SMCP: variants seen among roughly 807,000 people sequenced by gnomAD.
SMCP encodes the protein sperm mitochondria associated cysteine rich protein.
For missense variants in SMCP, 137 were observed against 137.1 expected (o/e 1.00, Z 0.01); for synonymous variants, 41 against 46.9 (o/e 0.87, Z 0.51).
chr1:152,883,873 G>A lies in SMCP; in HGVS notation c.-20-530G>A, dbSNP rs373150027. On this transcript the variant is annotated intron_variant, in intron 1 of 1. Transcript: ENST00000368765. ...TGACAGTTGGTCACTCTAAGTGCAA[G>A]AGTTTCATTGCACCTGGGTCCATGG... Among the ~76,000 whole-genome samples, 13 of 152,232 alleles carry A rather than the reference G, an allele frequency of 8.5e-5. No homozygotes were observed. The South Asian group carries it at 2.5e-3, about 29-fold the overall frequency.
At chr1:152,879,275 C>G (rs1255179687) in intron 1 of SMCP, among the ~76,000 whole-genome samples, 1 of 152,190 alleles carries the variant, frequency 6.6e-6, no homozygotes, top group Non-Finnish European at 1.5e-5. Context: ...GGCTGGAGTG[C>G]AGTGGTGAGG....
chr1:152,883,906 A>C (rs1252907012), intron 1 of SMCP, among the ~76,000 whole-genome samples: 1 of 152,208 alleles, frequency 6.6e-6, no homozygotes, highest in Non-Finnish European at 1.5e-5. Flanking sequence ...TGGGTGCCAC[A>C]TTAGAGACAA....
chr1:152,881,834 T>G (rs1399326138), intron 1 of SMCP, among the ~76,000 whole-genome samples: 1 of 152,196 alleles, frequency 6.6e-6, no homozygotes, highest in Non-Finnish European at 1.5e-5. Flanking sequence ...AAGGACCTTC[T>G]TCACATAGTG....
chr1:152,880,207 C>T (rs936192345), intron 1 of SMCP, among the ~76,000 whole-genome samples: 2 of 152,164 alleles, frequency 1.3e-5, no homozygotes, highest in Middle Eastern at 3.2e-3. Flanking sequence ...ACTCCTCCCT[C>T]GTCCCTCTCA....
intron 1 of SMCP, among the ~76,000 whole-genome samples, chr1:152,883,681 C>A (rs1156744629): frequency 6.6e-6 from 1 of 152,154 alleles, no homozygotes; most frequent in Non-Finnish European, 1.5e-5. Context: ...GAGGTACAAG[C>A]CCAGAGAGAT....
intron 1 of SMCP, among the ~76,000 whole-genome samples, chr1:152,881,649 C>T (rs1267332447): frequency 1.4e-5 from 2 of 145,964 alleles, no homozygotes; most frequent in East Asian, 4.3e-4. Flanking sequence ...GATTGCGCCA[C>T]TGCAGTCCGC....
At chr1:152,883,765 G>A (rs947295951) in intron 1 of SMCP, among the ~76,000 whole-genome samples, 20 of 152,172 alleles carry the variant, frequency 1.3e-4, no homozygotes, top group Non-Finnish European at 2.6e-4. Flanking sequence ...GCCATGCCAA[G>A]AGCACTGTAC....
At position 152,884,712 on chromosome 1, in the gene SMCP, A is replaced by G. The variant is rs1649164024; in HGVS notation, c.290A>G (p.Lys97Arg). ...CCCAACTCACCGCAAACTCAGGACA[A>G]GGGCTGTCAAACCCAGCAGCAGCCC... ...SEPNSPQTQD[K>R]GCQTQQQPHS... The change falls in exon 2 of 2, where the codon AAG becomes AGG. Residue 97 changes from lysine to arginine, a missense_variant. Transcript: ENST00000368765. The G allele has an allele frequency of 6.2e-7, 1 of 1,614,120 alleles. No homozygotes were observed. Among genetic ancestry groups the G allele is most frequent in the Admixed American group, 1.7e-5 (1 of 60,006 alleles).
At chr1:152,883,526 T>C (rs939919768) in intron 1 of SMCP, among the ~76,000 whole-genome samples, 4 of 152,198 alleles carry the variant, frequency 2.6e-5, no homozygotes, top group Admixed American at 1.3e-4. Context: ...GATGGGTAGA[T>C]AGAAGTAAAG....
At position 152,884,737 on chromosome 1, in the gene SMCP, CCA is replaced by C. The variant is rs781618063; in HGVS notation, c.316_317del (p.His106Ter). Reference sequence around the variant, plus strand: ...AGGGCTGTCAAACCCAGCAGCAGCCCCATAGCCCACAAAATGAGTCCAGGCCA... The same window carrying C: ...AGGGCTGTCAAACCCAGCAGCAGCCCTAGCCCACAAAATGAGTCCAGGCCA... ...DKGCQTQQQP[H>X]SPQNESRPSK On this transcript the variant is annotated frameshift_variant, in exon 2 of 2. Coordinates refer to ENST00000368765, the MANE Select transcript of SMCP (RefSeq NM_030663.3). LOFTEE classifies it low-confidence loss of function (END_TRUNC). The C allele has an allele frequency of 6.8e-6, 11 of 1,614,090 alleles. No individual in the cohort carries two copies. In the East Asian group the frequency reaches 2.4e-4, roughly 36 times the overall value.
At chr1:152,879,774 G>T (rs911866391) in intron 1 of SMCP, among the ~76,000 whole-genome samples, 80 of 152,252 alleles carry the variant, frequency 5.3e-4, no homozygotes, top group African/African-American at 1.9e-3. Context: ...GTCCTTCTCT[G>T]ATATTGCACA....
Position 152,884,659 on chromosome 1 carries a change from A to G in SMCP, c.237A>G (p.Glu79=), listed in dbSNP as rs759101455. 1 of 1,614,204 alleles carries G rather than the reference A, an allele frequency of 6.2e-7. No individual in the cohort carries two copies. The highest frequency in any genetic ancestry group is 8.5e-7 in the Non-Finnish European group (1 of 1,180,050). The change falls in exon 2 of 2, where the codon GAA becomes GAG. Residue 79 remains glutamate, a synonymous_variant. Coordinates refer to ENST00000368765, the MANE Select transcript of SMCP (RefSeq NM_030663.3). ...GCTGTGGTTTGGAGACCAAGCCTGA[A>G]GTCTCACCCCTTAACATGGAGTCTG... ...ARCCGLETKP[E]VSPLNMESEP...
chr1:152,882,023 T>C (rs1649069893), intron 1 of SMCP, among the ~76,000 whole-genome samples: 2 of 152,338 alleles, frequency 1.3e-5, no homozygotes, highest in South Asian at 2.1e-4. Context: ...TTGCCAAGGC[T>C]GGAGTGCAAT....
chr1:152,884,542 C>A lies in SMCP; in HGVS notation c.120C>A (p.Asn40Lys), dbSNP rs368116994. The change falls in exon 2 of 2, where the codon AAC becomes AAA. Residue 40 changes from asparagine to lysine, a missense_variant. By Grantham distance (94) the Asn-to-Lys change is moderately conservative (BLOSUM62 0). Coordinates refer to ENST00000368765, the MANE Select transcript of SMCP (RefSeq NM_030663.3). Reference protein sequence around the residue: ...KGNQCCPPKQNQCCQPKGSQC... With the variant: ...KGNQCCPPKQKQCCQPKGSQC... ...ATCAATGCTGCCCACCAAAACAGAA[C>A]CAGTGCTGCCAGCCAAAAGGCAGTC... is the stretch of plus-strand genomic sequence containing the variant. 1.2e-6 allele frequency: 2 copies of A among 1,613,914 alleles called. No individual in the cohort carries two copies. The highest frequency in any genetic ancestry group is 1.7e-6 in the Non-Finnish European group (2 of 1,179,966).
At chr1:152,883,908 T>C (rs1649128499) in intron 1 of SMCP, among the ~76,000 whole-genome samples, 1 of 152,174 alleles carries the variant, frequency 6.6e-6, no homozygotes, top group Non-Finnish European at 1.5e-5. Context: ...GGTGCCACAT[T>C]AGAGACAAGA....
In SMCP at chr1:152,884,900, C is replaced by G. The variant is rs897243484; in HGVS notation, c.*127C>G. On this transcript the variant is annotated 3_prime_UTR_variant, in exon 2 of 2. Transcript: ENST00000368765. Reference sequence around the variant, plus strand: ...GCAGTTTTCACAGTGACTACCATTTCCACCCAATGAGAGGCTCCTATTTCC... The same window carrying G: ...GCAGTTTTCACAGTGACTACCATTTGCACCCAATGAGAGGCTCCTATTTCC... The G allele has an allele frequency of 5.0e-6, 4 of 807,518 alleles. No homozygotes were observed. The African/African-American group carries it at 7.0e-5, about 14-fold the overall frequency. 50.0% of individuals were successfully genotyped at this position (807,518 alleles called of 1,614,324 possible). A position where few individuals can be genotyped will look rare whatever the true frequency, so the allele number is the denominator to read the frequency against.
intron 1 of SMCP, among the ~76,000 whole-genome samples, chr1:152,880,556 C>T (rs1444707290): frequency 1.3e-5 from 2 of 152,154 alleles, no homozygotes; most frequent in African/African-American, 2.4e-5. Context: ...GTCAAGGCAT[C>T]GCAGGGCCTG....
intron 1 of SMCP, among the ~76,000 whole-genome samples, chr1:152,883,052 C>A (rs1424829351): frequency 6.6e-6 from 1 of 152,112 alleles, no homozygotes; most frequent in Non-Finnish European, 1.5e-5. Flanking sequence ...CTCAAAAAAA[C>A]AAAAACAAAA....
chr1:152,885,003 A>G lies in SMCP; in HGVS notation c.*230A>G. The G allele has an allele frequency of 1.8e-6, 1 of 570,962 alleles. No homozygotes were observed. Among genetic ancestry groups the G allele is most frequent in the East Asian group, 2.9e-5 (1 of 34,866 alleles). The allele number at this position is 570,962 out of a possible 1,614,324, so 35.4% of individuals were successfully genotyped here. ...GAGGCTAGAATCATCTTTCCTAGTG[A>G]TCCTGACATTTAGACAGCACAGAAA... is the stretch of plus-strand genomic sequence containing the variant. On this transcript the variant is annotated 3_prime_UTR_variant, in exon 2 of 2. Coordinates refer to ENST00000368765, the MANE Select transcript of SMCP (RefSeq NM_030663.3).
Sources: gnomAD v4.1 joint callset for allele counts (sites outside exome capture counted in the v4.1 genomes callset) on GRCh38, gnomAD v4.1.1 for gene constraint, MANE v1.5 for transcripts, NCBI Gene and HGNC (gene_info 2026-07-23, HGNC 2026-07-21) for gene names.